The following SLC24A2 variants were observed in gnomAD, a reference collection of about 807,000 sequenced individuals.
SLC24A2 encodes sodium/potassium/calcium exchanger 2.
A neutral mutation model predicts 62.0 loss-of-function variants in SLC24A2; 36 were observed. The ratio of observed to expected loss-of-function variants is 0.58; its 90% CI spans 0.44 to 0.77. SLC24A2 has a LOEUF of 0.77. SLC24A2 is among the 30% of genes least tolerant of loss of function. The pLI is 0.00. For missense variants in SLC24A2, 846 were observed against 817.9 expected (o/e 1.03, Z -0.42); for synonymous variants, 358 against 294.0 (o/e 1.22, Z -2.23).
At chr9:20,214,283 A>G in the SLC24A2 span, among the ~76,000 whole-genome samples, 1 of 152,146 alleles carries the variant, frequency 6.6e-6, no homozygotes, top group African/African-American at 2.4e-5. Context: ...GATCTGCTGT[A>G]CTATATTGCA....
At chr9:20,101,300 A>G in the SLC24A2 span, among the ~76,000 whole-genome samples, 4 of 152,210 alleles carry the variant, frequency 2.6e-5, no homozygotes, top group Non-Finnish European at 5.9e-5. Context: ...TTTTGCTGAG[A>G]ATTGGACTTA....
At chr9:19,730,323 T>C (rs1184220544) in intron 2 of SLC24A2, among the ~76,000 whole-genome samples, 1 of 152,198 alleles carries the variant, frequency 6.6e-6, no homozygotes, top group Non-Finnish European at 1.5e-5. Flanking sequence ...GCATTTATCC[T>C]ACAGATAAAT....
At chr9:20,181,369 T>C in the SLC24A2 span, among the ~76,000 whole-genome samples, 1 of 152,122 alleles carries the variant, frequency 6.6e-6, no homozygotes, top group African/African-American at 2.4e-5. Context: ...AGAAGCGTGG[T>C]AGATGACTTC....
At chr9:19,770,445 A>G (rs1822651473) in intron 2 of SLC24A2, among the ~76,000 whole-genome samples, 1 of 152,148 alleles carries the variant, frequency 6.6e-6, no homozygotes, top group South Asian at 2.1e-4. Flanking sequence ...TATAAAGACT[A>G]TTTGAACTTT....
At chr9:19,987,191 G>C in the SLC24A2 span, among the ~76,000 whole-genome samples, 2 of 152,194 alleles carry the variant, frequency 1.3e-5, no homozygotes, top group Middle Eastern at 3.4e-3. Context: ...GAGTTTAGTT[G>C]GGTCATGAGG....
chr9:20,083,808 G>A, the SLC24A2 span, among the ~76,000 whole-genome samples: 7 of 152,200 alleles, frequency 4.6e-5, no homozygotes, highest in Non-Finnish European at 8.8e-5. Context: ...ATTGGCATAT[G>A]CTAATGCAGG....
At chr9:19,844,173 C>A in the SLC24A2 span, among the ~76,000 whole-genome samples, 1 of 152,172 alleles carries the variant, frequency 6.6e-6, no homozygotes, top group Non-Finnish European at 1.5e-5. Flanking sequence ...TTCTCCATAG[C>A]CTTGCCAGCA....
At chr9:20,017,939 C>A in the SLC24A2 span, among the ~76,000 whole-genome samples, 1 of 152,114 alleles carries the variant, frequency 6.6e-6, no homozygotes, top group South Asian at 2.1e-4. Flanking sequence ...TATCCAGGAA[C>A]AATACTTTGC....
At chr9:20,299,061 A>G in the SLC24A2 span, among the ~76,000 whole-genome samples, 3 of 152,178 alleles carry the variant, frequency 2.0e-5, no homozygotes, top group Non-Finnish European at 2.9e-5. Flanking sequence ...TAAAGCAGAG[A>G]AGGACAATTT....
At chr9:19,941,442 A>G in the SLC24A2 span, among the ~76,000 whole-genome samples, 1 of 152,130 alleles carries the variant, frequency 6.6e-6, no homozygotes, top group Non-Finnish European at 1.5e-5. Flanking sequence ...CTACTTTAGT[A>G]ATTGAGTTAA....
At chr9:20,179,066 T>G in the SLC24A2 span, among the ~76,000 whole-genome samples, 1 of 152,162 alleles carries the variant, frequency 6.6e-6, no homozygotes, top group Admixed American at 6.5e-5. Flanking sequence ...TAAAGAGAAT[T>G]ACTGTGACCC....
At chr9:19,679,092 T>G (rs1819638683) in intron 2 of SLC24A2, among the ~76,000 whole-genome samples, 1 of 152,294 alleles carries the variant, frequency 6.6e-6, no homozygotes, top group Non-Finnish European at 1.5e-5. Flanking sequence ...AAAAGGGACC[T>G]GGCAGGGGAT....
At chr9:19,661,457 AATTT>A (rs1222402074) in intron 2 of SLC24A2, among the ~76,000 whole-genome samples, 13 of 152,262 alleles carry the variant, frequency 8.5e-5, no homozygotes, top group East Asian at 5.8e-4. Context: ...GAAATGTCAG[AATTT>A]ATTGTAAAAT....
At chr9:20,006,392 A>G in the SLC24A2 span, among the ~76,000 whole-genome samples, 1 of 151,936 alleles carries the variant, frequency 6.6e-6, no homozygotes, top group African/African-American at 2.4e-5. Flanking sequence ...AATGAATAAG[A>G]TCTAGTATTT....
chr9:19,760,358 A>C (rs1257465873), intron 2 of SLC24A2, among the ~76,000 whole-genome samples: 1 of 151,976 alleles, frequency 6.6e-6, no homozygotes, highest in Admixed American at 6.6e-5. Context: ...ATGTACTATA[A>C]ATTTTCTTAC....
At chr9:20,057,984 C>A in the SLC24A2 span, among the ~76,000 whole-genome samples, 5 of 152,052 alleles carry the variant, frequency 3.3e-5, no homozygotes, top group African/African-American at 4.8e-5. Flanking sequence ...TTCAGAAGCC[C>A]TTTCTTTGGT....
the SLC24A2 span, among the ~76,000 whole-genome samples, chr9:19,829,404 C>A: frequency 6.6e-6 from 1 of 152,132 alleles, no homozygotes; most frequent in Non-Finnish European, 1.5e-5. Context: ...GAGCATCTGA[C>A]AGAGGACCTG....
chr9:19,577,231 C>T (rs1836045566), intron 5 of SLC24A2, among the ~76,000 whole-genome samples: 1 of 152,150 alleles, frequency 6.6e-6, no homozygotes, highest in African/African-American at 2.4e-5. Flanking sequence ...AATCTCTTCC[C>T]TCCCTTCCCA....
At position 19,510,619 on chromosome 9, in the gene SLC24A2, C is replaced by T. The variant is rs1002849731; in HGVS notation, c.*5534G>A. Reference sequence around the variant, plus strand: ...GATTAGCGTGATAGGCTAGACAAACCCTCTTAATGGAATTAAATCTTTGGT... The same window carrying T: ...GATTAGCGTGATAGGCTAGACAAACTCTCTTAATGGAATTAAATCTTTGGT... On this transcript the variant is annotated 3_prime_UTR_variant, in exon 11 of 11. Transcript: ENST00000341998. 1.3e-5 allele frequency: 2 copies of T among 152,122 alleles called. No individual in the cohort carries two copies. The highest frequency in any genetic ancestry group is 2.9e-5 in the Non-Finnish European group (2 of 68,028). 9.4% of individuals were successfully genotyped at this position (152,122 alleles called of 1,614,324 possible).
Sources: gnomAD v4.1 joint callset for allele counts (sites outside exome capture counted in the v4.1 genomes callset) on GRCh38, gnomAD v4.1.1 for gene constraint, MANE v1.5 for transcripts, NCBI Gene and HGNC (gene_info 2026-07-23, HGNC 2026-07-21) for gene names.